NIPA1: variants seen among roughly 807,000 people sequenced by gnomAD.
NIPA1 encodes magnesium transporter NIPA1.
In NIPA1, 13 loss-of-function variants were observed where a neutral mutation model predicts 23.9. The ratio of observed to expected loss-of-function variants is 0.54; its 90% CI spans 0.35 to 0.87. The LOEUF is 0.87. NIPA1 is among the 40% of genes least tolerant of loss of function. NIPA1 has a pLI of 0.01. For missense variants in NIPA1, 362 were observed against 429.7 expected (o/e 0.84, Z 1.39); for synonymous variants, 234 against 202.9 (o/e 1.15, Z -1.30).
intron 3 of NIPA1, among the ~76,000 whole-genome samples, chr15:22,812,455 C>T (rs551421716): frequency 1.8e-4 from 28 of 152,154 alleles, no homozygotes; most frequent in South Asian, 8.3e-4. Context: ...AGTTCAAGAC[C>T]AGCCTGGCCA....
intron 4 of NIPA1, among the ~76,000 whole-genome samples, chr15:22,822,863 A>G (rs1895567161): frequency 6.6e-6 from 1 of 151,392 alleles, no homozygotes; most frequent in Non-Finnish European, 1.5e-5. Context: ...AAAAAAGAGA[A>G]TGGTTCCAAT....
intron 1 of NIPA1, among the ~76,000 whole-genome samples, chr15:22,803,241 G>GCCA (rs1895124852): frequency 6.6e-6 from 1 of 152,076 alleles, no homozygotes; most frequent in African/African-American, 2.4e-5. Flanking sequence ...ATAGGCATGA[G>GCCA]CCACCACATC....
chr15:22,815,500 G>T (rs1172124078), intron 3 of NIPA1, among the ~76,000 whole-genome samples: 1 of 152,042 alleles, frequency 6.6e-6, no homozygotes, highest in African/African-American at 2.4e-5. Flanking sequence ...AAATTATCCA[G>T]GTGTGGTGGC....
At chr15:22,789,606 C>T (rs752137703) in intron 1 of NIPA1, among the ~76,000 whole-genome samples, 4 of 152,048 alleles carry the variant, frequency 2.6e-5, no homozygotes, top group African/African-American at 4.8e-5. Context: ...CACCTCCCGC[C>T]GAAGAAGGCG....
chr15:22,804,697 G>A (rs1428924773), intron 1 of NIPA1, among the ~76,000 whole-genome samples: 1 of 152,148 alleles, frequency 6.6e-6, no homozygotes, highest in East Asian at 1.9e-4. Context: ...ATTTGTTGGA[G>A]ACTTTTCCAT....
chr15:22,801,807 G>C (rs1002513211), intron 1 of NIPA1, among the ~76,000 whole-genome samples: 1 of 152,036 alleles, frequency 6.6e-6, no homozygotes, highest in African/African-American at 2.4e-5. Flanking sequence ...GAGCCACTGC[G>C]CCTGGCTGTG....
rs1240689069 is a variant in NIPA1 at position 22,825,114 on chromosome 15, G to A, written c.*875G>A. 3.3e-5 allele frequency: 5 copies of A among 152,234 alleles called. No individual in the cohort carries two copies. Among genetic ancestry groups the A allele is most frequent in the African/African-American group, 1.2e-4 (5 of 41,444 alleles). 9.4% of individuals were successfully genotyped at this position (152,234 alleles called of 1,614,324 possible). On this transcript the variant is annotated 3_prime_UTR_variant, in exon 5 of 5. Transcript: ENST00000337435. ...GACTTTATTGTGTGAACATCATGGA[G>A]TGCACTTATACAAACCTAGATGGGA...
intron 1 of NIPA1, among the ~76,000 whole-genome samples, chr15:22,797,220 T>C (rs952313987): frequency 6.6e-6 from 1 of 151,696 alleles, no homozygotes; most frequent in Non-Finnish European, 1.5e-5. Context: ...ATTTGGGTTT[T>C]TTTTTTTTGG....
intron 1 of NIPA1, among the ~76,000 whole-genome samples, chr15:22,787,458 A>G (rs1174475677): frequency 6.6e-6 from 1 of 152,214 alleles, no homozygotes; most frequent in East Asian, 1.9e-4. Flanking sequence ...CCAAATGAAT[A>G]CAAGTGATCT....
chr15:22,798,496 C>T (rs1462694586), intron 1 of NIPA1, among the ~76,000 whole-genome samples: 2 of 150,186 alleles, frequency 1.3e-5, no homozygotes, highest in South Asian at 2.1e-4. Flanking sequence ...GCCTCGGCCT[C>T]CCTAAGTGCT....
At chr15:22,816,883 A>G (rs1895429893) in intron 3 of NIPA1, among the ~76,000 whole-genome samples, 1 of 151,980 alleles carries the variant, frequency 6.6e-6, no homozygotes. Context: ...CAAGATCACT[A>G]TATAAAAATT....
At chr15:22,817,890 A>T (rs1370741532) in intron 3 of NIPA1, among the ~76,000 whole-genome samples, 1 of 152,144 alleles carries the variant, frequency 6.6e-6, no homozygotes, top group East Asian at 1.9e-4. Flanking sequence ...CATATGCAGT[A>T]GCACCAAAAT....
chr15:22,823,021 C>A (rs1353142203), intron 4 of NIPA1, among the ~76,000 whole-genome samples: 13 of 129,280 alleles, frequency 1.0e-4, no homozygotes, highest in Middle Eastern at 6.2e-3. Flanking sequence ...CGGGTTCAAG[C>A]GATTCTCCTG....
chr15:22,803,336 G>A (rs1414453105), intron 1 of NIPA1, among the ~76,000 whole-genome samples: 2 of 151,686 alleles, frequency 1.3e-5, no homozygotes, highest in Non-Finnish European at 2.9e-5. Flanking sequence ...TGGTAAGAGT[G>A]TGTGTGTGTA....
chr15:22,797,241 G>A (rs1192377419), intron 1 of NIPA1, among the ~76,000 whole-genome samples: 1 of 150,208 alleles, frequency 6.7e-6, no homozygotes, highest in Non-Finnish European at 1.5e-5. Context: ...ACGGAGTCTC[G>A]CTCTGTTGCC....
chr15:22,794,739 C>T (rs1456918566), intron 1 of NIPA1, among the ~76,000 whole-genome samples: 3 of 152,090 alleles, frequency 2.0e-5, no homozygotes, highest in East Asian at 1.9e-4. Context: ...GTCATACCCA[C>T]GCTCCTCATA....
chr15:22,815,876 T>C (rs1411898468), intron 3 of NIPA1, among the ~76,000 whole-genome samples: 1 of 152,166 alleles, frequency 6.6e-6, no homozygotes, highest in Non-Finnish European at 1.5e-5. Flanking sequence ...ACAAAAATTA[T>C]GTGGTACAAT....
In NIPA1 at chr15:22,825,872, C is replaced by T. The variant is rs1895640325; in HGVS notation, c.*1633C>T. 6.6e-6 allele frequency: 1 copy of T among 152,622 alleles called. No homozygotes were observed. The highest frequency in any genetic ancestry group is 1.5e-5 in the Non-Finnish European group (1 of 68,048). 9.5% of individuals were successfully genotyped at this position (152,622 alleles called of 1,614,324 possible). ...GTATTTGAATCAAAGAGGTCATTCT[C>T]TGTCTATAGTGTTCCCATCCATGTG... On this transcript the variant is annotated 3_prime_UTR_variant, in exon 5 of 5. Transcript: ENST00000337435.
Position 22,810,774 on chromosome 15 carries a change from G to A in NIPA1, c.204G>A (p.Val68=), listed in dbSNP as rs781548508. Residue 68 remains valine, a synonymous_variant, in exon 2 of 5, where the codon GTG becomes GTA. Transcript: ENST00000337435. The part of the protein sequence containing the change: ...RRGTSYLTDI[V]WWAGTIAMAV... ...GTACTTCCTATTTAACAGACATTGTGTGGTGGGCTGGCACAATCGCAAGTA... is the reference window on the plus strand; with the variant it reads ...GTACTTCCTATTTAACAGACATTGTATGGTGGGCTGGCACAATCGCAAGTA... 3.1e-6 allele frequency: 5 copies of A among 1,610,970 alleles called. No individual in the cohort carries two copies. In the Admixed American group the frequency reaches 8.3e-5, roughly 27 times the overall value.
Sources: gnomAD v4.1 joint callset for allele counts (sites outside exome capture counted in the v4.1 genomes callset) on GRCh38, gnomAD v4.1.1 for gene constraint, MANE v1.5 for transcripts, NCBI Gene and HGNC (gene_info 2026-07-23, HGNC 2026-07-21) for gene names.